The following COL21A1 variants were observed in gnomAD, a reference collection of about 807,000 sequenced individuals.
COL21A1 encodes collagen alpha-1(XXI) chain.
COL21A1 carries 149 observed loss-of-function variants against 137.9 expected under a neutral mutation model. That is an observed-to-expected ratio of 1.08 (90% CI 0.95 to 1.24). COL21A1 has a LOEUF of 1.24. COL21A1 is among the 50% of genes most tolerant of loss of function. The probability of loss-of-function intolerance (pLI) is 0.00; values close to 1 mark genes in which losing one functional copy is unlikely to be tolerated. For missense variants in COL21A1, 1,167 were observed against 1,158.4 expected (o/e 1.01, Z -0.11); for synonymous variants, 456 against 391.5 (o/e 1.16, Z -1.95).
At chr6:56,152,979 T>C (rs1459102183) in intron 10 of COL21A1, among the ~76,000 whole-genome samples, 2 of 152,034 alleles carry the variant, frequency 1.3e-5, no homozygotes, top group Non-Finnish European at 2.9e-5. Flanking sequence ...CCCAGTGTAA[T>C]TAGGGCGAAA....
At chr6:56,379,478 C>T (rs1426317663) in intron 1 of COL21A1, among the ~76,000 whole-genome samples, 1 of 152,098 alleles carries the variant, frequency 6.6e-6, no homozygotes, top group African/African-American at 2.4e-5. Context: ...GGCAGGAATG[C>T]TTGGTGTCCA....
intron 12 of COL21A1, among the ~76,000 whole-genome samples, chr6:56,133,796 A>G (rs72874292): frequency 0.062 from 9,433 of 152,302 alleles, 428 homozygotes; most frequent in Non-Finnish European, 0.097. Context: ...CCATTGCTTC[A>G]GAGGGTGCAG....
chr6:56,228,429 T>A (rs1781346920), intron 1 of COL21A1, among the ~76,000 whole-genome samples: 1 of 151,716 alleles, frequency 6.6e-6, no homozygotes, highest in African/African-American at 2.4e-5. Context: ...GCCTCTGGCT[T>A]GAACGTCTTG....
chr6:56,353,280 G>A (rs1765754821), intron 1 of COL21A1, among the ~76,000 whole-genome samples: 1 of 152,098 alleles, frequency 6.6e-6, no homozygotes, highest in African/African-American at 2.4e-5. Flanking sequence ...TCCACCTTAA[G>A]ACACATGCTT....
chr6:56,174,921 A>G (rs1374691078), intron 3 of COL21A1, among the ~76,000 whole-genome samples: 1 of 152,104 alleles, frequency 6.6e-6, no homozygotes, highest in Non-Finnish European at 1.5e-5. Flanking sequence ...AACACTAACA[A>G]ACTGAATTTA....
intron 1 of COL21A1, among the ~76,000 whole-genome samples, chr6:56,354,382 A>G (rs1765785045): frequency 6.6e-6 from 1 of 152,220 alleles, no homozygotes; most frequent in Non-Finnish European, 1.5e-5. Flanking sequence ...AATGTATCTT[A>G]AAAATTAAAG....
intron 1 of COL21A1, among the ~76,000 whole-genome samples, chr6:56,211,837 C>T (rs1780195000): frequency 6.6e-6 from 1 of 152,032 alleles, no homozygotes; most frequent in Non-Finnish European, 1.5e-5. Context: ...TAATAAAATA[C>T]ATCAATCTAT....
intron 1 of COL21A1, among the ~76,000 whole-genome samples, chr6:56,345,632 G>A (rs1267543441): frequency 6.6e-6 from 1 of 152,116 alleles, no homozygotes; most frequent in Non-Finnish European, 1.5e-5. Flanking sequence ...ACATCTTCCT[G>A]GGCCCCTTAT....
chr6:56,205,571 A>T (rs942748580), intron 1 of COL21A1, among the ~76,000 whole-genome samples: 2 of 152,230 alleles, frequency 1.3e-5, no homozygotes, highest in African/African-American at 4.8e-5. Context: ...TCAGGATATT[A>T]TCCAGGAGAA....
intron 17 of COL21A1, among the ~76,000 whole-genome samples, chr6:56,079,014 G>T (rs17818151): frequency 0.15 from 23,032 of 151,518 alleles, 1,783 homozygotes; most frequent in Middle Eastern, 0.22. Flanking sequence ...ACCTTCTTAG[G>T]CAGAAAATGT....
chr6:56,343,535 A>G (rs557120350), intron 1 of COL21A1, among the ~76,000 whole-genome samples: 12 of 152,320 alleles, frequency 7.9e-5, no homozygotes, highest in African/African-American at 2.9e-4. Context: ...GTGAATGACT[A>G]TCTGTTTTTG....
In COL21A1 at chr6:56,057,515, A is replaced by AT; in HGVS notation, c.*141dup. On this transcript the variant is annotated 3_prime_UTR_variant, in exon 30 of 30. Coordinates refer to ENST00000244728, the MANE Select transcript of COL21A1 (RefSeq NM_030820.4). ...AAAATCAGTATATGTGATCTTTTAT[A>AT]TTTTTTTCCATAAGAAAAAAAAAAT... 3 of 761,616 alleles carry AT rather than the reference A, an allele frequency of 3.9e-6. No individual in the cohort carries two copies. The South Asian group carries it at 5.0e-5, about 13-fold the overall frequency. The allele number at this position is 761,616 out of a possible 1,614,324, so 47.2% of individuals were successfully genotyped here.
intron 1 of COL21A1, among the ~76,000 whole-genome samples, chr6:56,364,237 G>A (rs1360921233): frequency 2.0e-5 from 3 of 151,978 alleles, no homozygotes; most frequent in African/African-American, 7.3e-5. Context: ...CAGTACTAAT[G>A]GATCCTGGCA....
At chr6:56,136,700 G>T (rs142203723) in intron 12 of COL21A1, among the ~76,000 whole-genome samples, 15 of 152,224 alleles carry the variant, frequency 9.9e-5, no homozygotes, top group Admixed American at 7.9e-4. Flanking sequence ...CTTTGTGTGT[G>T]TGTTTCAAAT....
chr6:56,248,433 G>A (rs554175874), upstream of COL21A1, among the ~76,000 whole-genome samples: 3 of 152,256 alleles, frequency 2.0e-5, no homozygotes, highest in Non-Finnish European at 4.4e-5. Flanking sequence ...AGTCCTTCCT[G>A]TACATCCCAT....
At chr6:56,181,508 T>C (rs936322842) in intron 2 of COL21A1, among the ~76,000 whole-genome samples, 2 of 152,242 alleles carry the variant, frequency 1.3e-5, no homozygotes, top group African/African-American at 4.8e-5. Flanking sequence ...CTGTTAGTGT[T>C]TGTGTGCCAC....
intron 16 of COL21A1, among the ~76,000 whole-genome samples, chr6:56,114,261 C>A (rs1238351818): frequency 6.6e-6 from 1 of 152,144 alleles, no homozygotes; most frequent in Non-Finnish European, 1.5e-5. Context: ...CTGGGTGAGA[C>A]CCAGTGCTGT....
intron 1 of COL21A1, among the ~76,000 whole-genome samples, chr6:56,390,914 C>T (rs2094028357): frequency 6.6e-6 from 1 of 152,098 alleles, no homozygotes; most frequent in Admixed American, 6.5e-5. Flanking sequence ...ACAAATCATC[C>T]AGACAAAAAA....
At chr6:56,217,520 G>T (rs1780562734) in intron 1 of COL21A1, among the ~76,000 whole-genome samples, 1 of 151,956 alleles carries the variant, frequency 6.6e-6, no homozygotes, top group South Asian at 2.1e-4. Context: ...TGACTGAAAG[G>T]TACCAGAAAG....
Sources: gnomAD v4.1 joint callset for allele counts (sites outside exome capture counted in the v4.1 genomes callset) on GRCh38, gnomAD v4.1.1 for gene constraint, MANE v1.5 for transcripts, NCBI Gene and HGNC (gene_info 2026-07-23, HGNC 2026-07-21) for gene names.